The following FREM2 variants were observed in gnomAD, a reference collection of about 807,000 sequenced individuals.
FREM2 encodes the protein FRAS1 related extracellular matrix 2.
In FREM2, 119 loss-of-function variants were observed where a neutral mutation model predicts 219.9. The ratio of observed to expected loss-of-function variants is 0.54; its 90% CI spans 0.47 to 0.63. FREM2 has a LOEUF of 0.63. FREM2 is among the 30% of genes least tolerant of loss of function. The pLI is 0.00. For synonymous variants in FREM2, 1,562 were observed against 1,522.8 expected (o/e 1.03, Z -0.60); for missense variants, 4,030 against 3,993.6 (o/e 1.01, Z -0.25).
intron 2 of FREM2, among the ~76,000 whole-genome samples, chr13:38,703,320 G>A (rs1870412864): frequency 6.6e-6 from 1 of 152,116 alleles, no homozygotes; most frequent in African/African-American, 2.4e-5. Flanking sequence ...AAGCATTCTT[G>A]GCAATAAAAT....
At chr13:38,777,398 G>T in intron 4 of FREM2, among the ~76,000 whole-genome samples, 1 of 152,266 alleles carries the variant, frequency 6.6e-6, no homozygotes, top group Middle Eastern at 3.4e-3. Flanking sequence ...AGGCAGTAAT[G>T]TGTAGTGGTT....
At chr13:38,817,223 T>C (rs952633282) in intron 6 of FREM2, among the ~76,000 whole-genome samples, 2 of 152,082 alleles carry the variant, frequency 1.3e-5, no homozygotes, top group Non-Finnish European at 2.9e-5. Context: ...TTCTAAAATT[T>C]ATCTAGAACA....
chr13:38,833,365 C>A (rs1478556791), intron 6 of FREM2, among the ~76,000 whole-genome samples: 1 of 151,838 alleles, frequency 6.6e-6, no homozygotes, highest in Non-Finnish European at 1.5e-5. Flanking sequence ...TTTGTTTCTC[C>A]TCCTTCCCAG....
chr13:38,747,395 ATGTGTGTGTGTGTG>A (rs71917471), intron 2 of FREM2, among the ~76,000 whole-genome samples: 2 of 142,922 alleles, frequency 1.4e-5, no homozygotes, highest in African/African-American at 2.6e-5. Context: ...CTGATATAAT[ATGTGTGTGTGTGTG>A]TGTGTGTGTG....
chr13:38,733,616 A>G (rs958432526), intron 2 of FREM2, among the ~76,000 whole-genome samples: 4 of 141,164 alleles, frequency 2.8e-5, no homozygotes, highest in African/African-American at 4.9e-5. Flanking sequence ...AAGAAACTTT[A>G]TATATATTTA....
chr13:38,841,942 AGTGATG>A (rs1387965907), intron 6 of FREM2, among the ~76,000 whole-genome samples: 1 of 152,198 alleles, frequency 6.6e-6, no homozygotes, highest in Non-Finnish European at 1.5e-5. Flanking sequence ...ACATACGCAC[AGTGATG>A]GTAGAAGTTG....
Position 38,759,972 on chromosome 13 carries a change from G to C in FREM2, c.5264-4332G>C, listed in dbSNP as rs571177968. ...GTAAAGAGAGTTACAATAAGTTACA[G>C]CTTGGTTCCTCAAATCTCTATATCA... On this transcript the variant is annotated intron_variant, in intron 2 of 23. Transcript: ENST00000280481. Among the ~76,000 whole-genome samples the C allele has an allele frequency of 2.0e-5, 3 of 152,280 alleles. No individual in the cohort carries two copies. The East Asian group carries it at 5.8e-4, about 29-fold the overall frequency.
intron 2 of FREM2, among the ~76,000 whole-genome samples, chr13:38,741,668 G>A (rs1168736635): frequency 6.6e-6 from 1 of 152,102 alleles, no homozygotes; most frequent in African/African-American, 2.4e-5. Flanking sequence ...ATGGGCTCCC[G>A]AACTCTTACC....
In FREM2 at chr13:38,799,339, T is replaced by C. The variant is rs539654351; in HGVS notation, c.6019+14531T>C. Among the ~76,000 whole-genome samples the C allele has an allele frequency of 6.6e-5, 10 of 152,136 alleles. No homozygotes were observed. In the East Asian group the frequency reaches 1.9e-3, roughly 29 times the overall value. ...GGTCTGAGCAGATGCTTGATAAAAT[T>C]TTTCTTTTAAAAAATTTGTTGAGGC... On this transcript the variant is annotated intron_variant, in intron 6 of 23. Coordinates refer to ENST00000280481, the MANE Select transcript of FREM2 (RefSeq NM_207361.6).
At chr13:38,791,666 T>G (rs1301732678) in intron 6 of FREM2, among the ~76,000 whole-genome samples, 1 of 152,008 alleles carries the variant, frequency 6.6e-6, no homozygotes, top group Non-Finnish European at 1.5e-5. Context: ...ACAAGAACAG[T>G]ATAGGGGAAC....
chr13:38,766,251 A>G (rs1444140341), intron 3 of FREM2, among the ~76,000 whole-genome samples: 7 of 152,186 alleles, frequency 4.6e-5, no homozygotes, highest in Non-Finnish European at 8.8e-5. Flanking sequence ...GGATGCCAAA[A>G]TGTCAAACAA....
intron 16 of FREM2, among the ~76,000 whole-genome samples, chr13:38,869,337 A>G (rs1297203223): frequency 6.6e-6 from 1 of 152,206 alleles, no homozygotes. Flanking sequence ...ATGAAGTGTG[A>G]TTAACTTTTA....
chr13:38,688,349 G>C lies in FREM2; in HGVS notation c.1005G>C (p.Leu335=), dbSNP rs1168377153. The C allele has an allele frequency of 1.9e-6, 3 of 1,614,192 alleles. No homozygotes were observed. The highest frequency in any genetic ancestry group is 2.5e-6 in the Non-Finnish European group (3 of 1,180,032). Residue 335 remains leucine, a synonymous_variant, in exon 1 of 24, where the codon CTG becomes CTC. Transcript: ENST00000280481. ...MMMMEVDQFV[L]TALTPDMLAA... The stretch of plus-strand genomic sequence containing the variant: ...TGATGGAGGTGGACCAGTTTGTACT[G>C]ACGGCCCTGACCCCAGACATGCTGG...
rs1352078531 is a variant in FREM2, at chr13:38,876,046, T to C, written c.8306T>C (p.Met2769Thr). ...HPASFTSSVI[M>T]SADHPGLTFS... is the part of the protein sequence containing the mutation. ...GCATCCTTTACAAGCTCAGTGATCA[T>C]GTCAGCTGATCATCCAGGCCTGACA... is the stretch of plus-strand genomic sequence containing the variant. The change falls in exon 19 of 24, where the codon ATG becomes ACG. Residue 2769 changes from methionine (M) to threonine (T), a missense_variant. Transcript: ENST00000280481. 14 of 1,613,814 alleles carry C rather than the reference T, an allele frequency of 8.7e-6. No individual in the cohort carries two copies. The highest frequency in any genetic ancestry group is 1.0e-5 in the Non-Finnish European group (12 of 1,179,778).
chr13:38,867,525 C>G (rs1306216063), intron 16 of FREM2, among the ~76,000 whole-genome samples: 1 of 152,174 alleles, frequency 6.6e-6, no homozygotes, highest in Non-Finnish European at 1.5e-5. Context: ...TCCCCAGAGA[C>G]AGAACCAATA....
chr13:38,697,733 A>C lies in FREM2; in HGVS notation c.5209A>C (p.Arg1737=), dbSNP rs1017554850. Residue 1737 remains arginine (R), a synonymous_variant, in exon 2 of 24, where the codon AGA becomes CGA. Coordinates refer to ENST00000280481, the MANE Select transcript of FREM2 (RefSeq NM_207361.6). ...IDDMKICYVL[R]EGANATSDMF... Reference sequence around the variant, plus strand: ...TGACATGAAAATATGCTATGTCTTAAGAGAAGGGGCTAATGCCACAAGTGA... The same window carrying C: ...TGACATGAAAATATGCTATGTCTTACGAGAAGGGGCTAATGCCACAAGTGA... 1.9e-6 allele frequency: 3 copies of C among 1,609,762 alleles called. No homozygotes were observed. In the African/African-American group the frequency reaches 4.0e-5, roughly 22 times the overall value.
intron 6 of FREM2, among the ~76,000 whole-genome samples, chr13:38,804,118 A>G (rs1358995563): frequency 6.6e-6 from 1 of 152,078 alleles, no homozygotes; most frequent in East Asian, 1.9e-4. Context: ...GGTATACTTG[A>G]GTTAGAACAA....
intron 10 of FREM2, among the ~76,000 whole-genome samples, chr13:38,851,370 C>A (rs190944688): frequency 2.2e-4 from 33 of 152,320 alleles, no homozygotes; most frequent in Admixed American, 2.2e-3. Context: ...TCTATACACA[C>A]CCTTGGGTAC....
intron 6 of FREM2, among the ~76,000 whole-genome samples, chr13:38,832,927 TA>T (rs1292936650): frequency 2.6e-5 from 4 of 152,042 alleles, no homozygotes; most frequent in Admixed American, 2.6e-4. Flanking sequence ...TAGTCCCAGC[TA>T]CTCAGGAGGC....
Sources: gnomAD v4.1 joint callset for allele counts (sites outside exome capture counted in the v4.1 genomes callset) on GRCh38, gnomAD v4.1.1 for gene constraint, MANE v1.5 for transcripts, NCBI Gene and HGNC (gene_info 2026-07-23, HGNC 2026-07-21) for gene names.